FGF12: variants seen among roughly 807,000 people sequenced by gnomAD.
FGF12 encodes the protein fibroblast growth factor 12B.
FGF12 carries 14 observed loss-of-function variants against 23.6 expected under a neutral mutation model. The ratio of observed to expected loss-of-function variants is 0.59; its 90% CI spans 0.39 to 0.93. The LOEUF is 0.93. FGF12 is among the 40% of genes least tolerant of loss of function. The pLI, the probability that FGF12 is intolerant of heterozygous loss-of-function variation, is 0.00. For missense variants in FGF12, 175 were observed against 217.8 expected, an observed-to-expected ratio of 0.80 and a Z score of 1.24; for synonymous variants, 62 against 77.3, an observed-to-expected ratio of 0.80 and a Z score of 1.04.
intron 2 of FGF12, among the ~76,000 whole-genome samples, chr3:192,683,185 C>T (rs978624989): frequency 5.3e-5 from 8 of 152,316 alleles, no homozygotes; most frequent in East Asian, 3.9e-4. Context: ...GCAGTGAAAG[C>T]AGCCCAAGGA....
intron 2 of FGF12, among the ~76,000 whole-genome samples, chr3:192,619,318 C>T (rs1428380657): frequency 6.6e-6 from 1 of 151,872 alleles, no homozygotes; most frequent in African/African-American, 2.4e-5. Flanking sequence ...TTTCCAGGCA[C>T]AGAAAACAAA....
At chr3:192,190,899 G>A (rs995374900) in intron 4 of FGF12, among the ~76,000 whole-genome samples, 2 of 152,138 alleles carry the variant, frequency 1.3e-5, no homozygotes, top group Non-Finnish European at 2.9e-5. Flanking sequence ...AAAGTATCAC[G>A]TATGTGCAAC....
At chr3:192,307,221 A>G (rs896321874) in intron 4 of FGF12, among the ~76,000 whole-genome samples, 2 of 152,236 alleles carry the variant, frequency 1.3e-5, no homozygotes, top group Non-Finnish European at 2.9e-5. Flanking sequence ...AGACAGAAAA[A>G]TTCTTTTAAT....
chr3:192,567,389 T>C (rs1002641847), intron 2 of FGF12, among the ~76,000 whole-genome samples: 1 of 152,138 alleles, frequency 6.6e-6, no homozygotes, highest in Non-Finnish European at 1.5e-5. Flanking sequence ...GGAAAGGGCT[T>C]TATTTTTTTA....
At chr3:192,207,711 C>G (rs529789047) in intron 4 of FGF12, among the ~76,000 whole-genome samples, 1 of 152,240 alleles carries the variant, frequency 6.6e-6, no homozygotes, top group African/African-American at 2.4e-5. Flanking sequence ...AACGGGGATC[C>G]AGCAGAGGTT....
At chr3:192,362,754 T>C (rs949293033) in intron 2 of FGF12, among the ~76,000 whole-genome samples, 7 of 152,142 alleles carry the variant, frequency 4.6e-5, no homozygotes, top group Admixed American at 1.3e-4. Context: ...ATATACATCC[T>C]AATTAAAGTC....
intron 2 of FGF12, among the ~76,000 whole-genome samples, chr3:192,399,642 C>A (rs1436749167): frequency 6.6e-6 from 1 of 152,108 alleles, no homozygotes; most frequent in Non-Finnish European, 1.5e-5. Flanking sequence ...AGGTTGGGGA[C>A]TCTCAATATA....
chr3:192,253,852 T>G (rs1050103746), intron 4 of FGF12, among the ~76,000 whole-genome samples: 1 of 152,080 alleles, frequency 6.6e-6, no homozygotes, highest in Non-Finnish European at 1.5e-5. Flanking sequence ...TTATAACTGG[T>G]TTAAAACAGC....
intron 2 of FGF12, among the ~76,000 whole-genome samples, chr3:192,428,081 C>T (rs981552502): frequency 6.6e-6 from 1 of 152,194 alleles, no homozygotes; most frequent in African/African-American, 2.4e-5. Context: ...TCAAGCCCTT[C>T]AAGATCTTTC....
intron 2 of FGF12, among the ~76,000 whole-genome samples, chr3:192,504,757 C>T (rs1360418272): frequency 6.6e-6 from 1 of 152,140 alleles, no homozygotes; most frequent in African/African-American, 2.4e-5. Context: ...CGGGGATTCT[C>T]AGCAGATGAG....
At chr3:192,260,357 A>C (rs1712672069) in intron 4 of FGF12, among the ~76,000 whole-genome samples, 1 of 152,092 alleles carries the variant, frequency 6.6e-6, no homozygotes, top group Non-Finnish European at 1.5e-5. Flanking sequence ...TCTCCCACCA[A>C]ATTTTTACTG....
chr3:192,449,849 G>A (rs1223059506), intron 2 of FGF12, among the ~76,000 whole-genome samples: 6 of 152,158 alleles, frequency 3.9e-5, no homozygotes, highest in African/African-American at 1.4e-4. Flanking sequence ...AGCCTGAGGT[G>A]GGGTTAGAGG....
intron 2 of FGF12, among the ~76,000 whole-genome samples, chr3:192,453,516 C>T (rs545844986): frequency 5.9e-5 from 9 of 152,110 alleles, no homozygotes; most frequent in Non-Finnish European, 1.3e-4. Flanking sequence ...TATCTAATAT[C>T]TTTACATTCT....
chr3:192,719,418 T>C (rs1476927757), intron 2 of FGF12, among the ~76,000 whole-genome samples: 1 of 152,352 alleles, frequency 6.6e-6, no homozygotes, highest in East Asian at 1.9e-4. Context: ...CATAATCGTT[T>C]GTTTTTTATG....
rs574243504 is a variant in FGF12 at position 192,587,042 on chromosome 3, A to AAT, written c.13+140137_13+140138dup. Among the ~76,000 whole-genome samples the AAT allele has an allele frequency of 8.5e-3, 1,292 of 151,990 alleles. 10 individuals are homozygous for AAT. Among genetic ancestry groups the AAT allele is most frequent in the African/African-American group, 0.021 (873 of 41,458 alleles). ...CACTGACCCCGGGGGGTCTACTCAGAATATATATATATAAAAGCTATAGTT... is the reference window on the plus strand; with the variant it reads ...CACTGACCCCGGGGGGTCTACTCAGAATATATATATATATAAAAGCTATAGTT... On this transcript the variant is annotated intron_variant, in intron 2 of 5. Coordinates refer to ENST00000445105, the MANE Select transcript of FGF12 (RefSeq NM_004113.6).
chr3:192,560,374 T>C (rs768695481), intron 2 of FGF12, among the ~76,000 whole-genome samples: 4 of 151,756 alleles, frequency 2.6e-5, no homozygotes, highest in Non-Finnish European at 5.9e-5. Context: ...AAAATCAAAA[T>C]ATAAAACAAA....
chr3:192,442,708 G>C (rs1576985164), intron 2 of FGF12, among the ~76,000 whole-genome samples: 1 of 152,084 alleles, frequency 6.6e-6, no homozygotes, highest in Non-Finnish European at 1.5e-5. Flanking sequence ...CTTTTATTCA[G>C]ATGGTACCAA....
chr3:192,559,597 T>C (rs1711928036), intron 2 of FGF12, among the ~76,000 whole-genome samples: 1 of 151,922 alleles, frequency 6.6e-6, no homozygotes, highest in Non-Finnish European at 1.5e-5. Flanking sequence ...TATACATATG[T>C]AACAAACCTG....
At chr3:192,476,535 G>A (rs768026238) in intron 2 of FGF12, among the ~76,000 whole-genome samples, 30 of 152,192 alleles carry the variant, frequency 2.0e-4, no homozygotes, top group Non-Finnish European at 2.4e-4. Context: ...ACAGCCATCT[G>A]TAATATGCCC....
Sources: gnomAD v4.1 joint callset for allele counts (sites outside exome capture counted in the v4.1 genomes callset) on GRCh38, gnomAD v4.1.1 for gene constraint, MANE v1.5 for transcripts, NCBI Gene and HGNC (gene_info 2026-07-23, HGNC 2026-07-21) for gene names.